CPNE2: variants seen among roughly 807,000 people sequenced by gnomAD.
CPNE2 encodes the protein copine-2.
CPNE2 carries 42 observed loss-of-function variants against 69.7 expected under a neutral mutation model. That is an observed-to-expected ratio of 0.60 (90% CI 0.47 to 0.78). The LOEUF (loss-of-function observed/expected upper bound fraction) is 0.78, where lower values mean the gene tolerates loss of function less well. Among genes scored for constraint, CPNE2 ranks in the 30% least tolerant of loss-of-function variants. The pLI, the probability that CPNE2 is intolerant of heterozygous loss-of-function variation, is 0.00. For synonymous variants in CPNE2, 294 were observed against 289.8 expected (o/e 1.01, Z -0.15); for missense variants, 587 against 732.0 (o/e 0.80, Z 2.29).
At chr16:57,137,430 A>G (rs1292208690) in intron 14 of CPNE2, 148 bp downstream of exon 14, 6 of 1,083,718 alleles carry the variant, frequency 5.5e-6, no homozygotes, top group Non-Finnish European at 6.5e-6. Flanking sequence ...AAGTTGAGTC[A>G]AGCTCAACTT....
rs567389821 is a variant in CPNE2, at chr16:57,114,641, G to A, written c.361-835G>A. On this transcript the variant is annotated intron_variant, in intron 3 of 15. Coordinates refer to ENST00000290776, the MANE Select transcript of CPNE2 (RefSeq NM_152727.6). ...ATGTGTGCTCCCCGCTGCACAGGAC[G>A]ACGCTCGCACTGCACCCAGGAAGCA... Among the ~76,000 whole-genome samples the A allele has an allele frequency of 3.9e-5, 6 of 152,254 alleles. No homozygotes were observed. In the South Asian group the frequency reaches 1.0e-3, roughly 26 times the overall value.
chr16:57,134,754 A>AGCGTTTTCTCT, intron 12 of CPNE2, 21 bp from the exon 13 acceptor site: 4 of 1,613,820 alleles, frequency 2.5e-6, no homozygotes, highest in Non-Finnish European at 3.4e-6. Flanking sequence ...GCTGCAGCTC[A>AGCGTTTTCTCT]GCGTTTTCTC....
rs367732722 is a variant in CPNE2 at position 57,119,305 on chromosome 16, C to A, written c.591+27C>A. 9 of 1,602,856 alleles carry A rather than the reference C, an allele frequency of 5.6e-6. No homozygotes were observed. In the African/African-American group the frequency reaches 1.1e-4, roughly 19 times the overall value. The stretch of plus-strand genomic sequence containing the variant: ...TGGGTACGTGGGGGCCCAGGGATCT[C>A]TAAGCAGTGGGCCTGCAGTCCAGCC... On this transcript the variant is annotated intron_variant, in intron 6 of 15. Transcript: ENST00000290776.
chr16:57,114,714 G>C (rs2069705250), intron 3 of CPNE2, among the ~76,000 whole-genome samples: 1 of 152,110 alleles, frequency 6.6e-6, no homozygotes, highest in South Asian at 2.1e-4. Context: ...AGGTGGGAGG[G>C]TGACTTTGCA....
intron 1 of CPNE2, among the ~76,000 whole-genome samples, chr16:57,101,159 T>G (rs2145234731): frequency 6.6e-6 from 1 of 152,348 alleles, no homozygotes; most frequent in African/African-American, 2.4e-5. Context: ...AAACCCTGCC[T>G]GGGTTTCCAG....
At chr16:57,126,997 C>T (rs1356623116) in intron 11 of CPNE2, among the ~76,000 whole-genome samples, 1 of 152,200 alleles carries the variant, frequency 6.6e-6, no homozygotes, top group Admixed American at 6.5e-5. Context: ...GTCCCCTCCA[C>T]GGCAGCCAAA....
intron 11 of CPNE2, 125 bp downstream of exon 11, chr16:57,126,118 T>A: frequency 8.1e-7 from 1 of 1,232,166 alleles, no homozygotes; most frequent in Non-Finnish European, 1.1e-6. Flanking sequence ...ATGGCATAGG[T>A]GCAGTTATTA....
At position 57,119,668 on chromosome 16, in the gene CPNE2, A is replaced by G; in HGVS notation, c.681+18A>G. 1 of 1,569,240 alleles carries G rather than the reference A, an allele frequency of 6.4e-7. No individual in the cohort carries two copies. The highest frequency in any genetic ancestry group is 8.7e-7 in the Non-Finnish European group (1 of 1,151,206). ...CCATCCAGGTGAGGGGGCTCTGGGG[A>G]CCCTGCTCCCCACCTTGCCAGCTCC... is the stretch of plus-strand genomic sequence containing the variant. On this transcript the variant is annotated intron_variant, in intron 7 of 15. Transcript: ENST00000290776.
intron 9 of CPNE2, among the ~76,000 whole-genome samples, chr16:57,122,021 G>C (rs1309649295): frequency 6.6e-6 from 1 of 152,262 alleles, no homozygotes; most frequent in Non-Finnish European, 1.5e-5. Flanking sequence ...GGCACGAGCT[G>C]ACCTTCCAGG....
intron 1 of CPNE2, among the ~76,000 whole-genome samples, chr16:57,100,313 A>G (rs764503634): frequency 6.6e-6 from 1 of 152,226 alleles, no homozygotes; most frequent in Non-Finnish European, 1.5e-5. Flanking sequence ...GGAGGCACGA[A>G]AAATACTTGC....
intron 11 of CPNE2, among the ~76,000 whole-genome samples, chr16:57,126,463 C>T (rs551606889): frequency 2.0e-5 from 3 of 151,214 alleles, no homozygotes; most frequent in African/African-American, 7.4e-5. Context: ...ATGCACGGAC[C>T]CTCCTCCCAT....
At position 57,093,800 on chromosome 16, in the gene CPNE2, C is replaced by T. The variant is rs561500324; in HGVS notation, c.-36+1010C>T. 119 of 323,100 alleles carry T rather than the reference C, an allele frequency of 3.7e-4. 2 individuals are homozygous for T. Among genetic ancestry groups the T allele is most frequent in the African/African-American group, 2.5e-3 (110 of 44,734 alleles). 20.0% of individuals were successfully genotyped at this position (323,100 alleles called of 1,614,324 possible). On this transcript the variant is annotated intron_variant, in intron 1 of 15. Transcript: ENST00000290776. ...CAAAGGTTGGGGGGCTTTTTCTGCC[C>T]CTTGGGCATCCACAGCTTCACGGAC...
chr16:57,113,075 T>C, intron 2 of CPNE2: 1 of 515,226 alleles, frequency 1.9e-6, no homozygotes, highest in Non-Finnish European at 3.5e-6. Flanking sequence ...TCGGCCCTGC[T>C]CCACAAGCTG....
intron 12 of CPNE2, among the ~76,000 whole-genome samples, chr16:57,133,404 C>T (rs1480945040): frequency 1.3e-5 from 2 of 152,188 alleles, no homozygotes; most frequent in African/African-American, 4.8e-5. Context: ...GCCCTCTCCC[C>T]CAGGAGTAAG....
In CPNE2 at chr16:57,147,564, C is replaced by T. The variant is rs541485948; in HGVS notation, c.1553C>T (p.Thr518Ile). ...FREFRNAAKE[T>I]LAKAVLAELP... ...TCCACCCTGCAGGCAGCAAAAGAGA[C>T]CTTGGCCAAAGCTGTGCTGGCGGAG... The change falls in exon 16 of 16, where the codon ACC becomes ATC. Residue 518 changes from threonine (T) to isoleucine (I), a missense_variant. Physicochemically the swap from Thr to Ile is moderately conservative, Grantham distance 89 (BLOSUM62 -1). Coordinates refer to ENST00000290776, the MANE Select transcript of CPNE2 (RefSeq NM_152727.6). 6.2e-7 allele frequency: 1 copy of T among 1,604,348 alleles called. No individual in the cohort carries two copies. Among genetic ancestry groups the T allele is most frequent in the South Asian group, 1.1e-5 (1 of 89,922 alleles).
Position 57,129,604 on chromosome 16 carries a change from G to A in CPNE2, c.1116+1701G>A, listed in dbSNP as rs138327011. ...ACGCTGAGGCAGATGGATCATTTGA[G>A]GTCAGAGAGTTTGAGATCTTCCTGG... On this transcript the variant is annotated intron_variant, in intron 12 of 15. Transcript: ENST00000290776. Among the ~76,000 whole-genome samples the A allele has an allele frequency of 2.8e-4, 42 of 152,308 alleles. 1 individual carries two copies. The highest frequency in any genetic ancestry group is 6.2e-4 in the South Asian group (3 of 4,824).
chr16:57,114,041 A>G (rs9923461), intron 3 of CPNE2, among the ~76,000 whole-genome samples: 50,001 of 151,922 alleles, frequency 0.33, 8,372 homozygotes, highest in Middle Eastern at 0.43. Flanking sequence ...CATGGTTGAT[A>G]AGGGAATGAA....
At chr16:57,112,032 T>A (rs2069684691) in intron 2 of CPNE2, among the ~76,000 whole-genome samples, 1 of 152,254 alleles carries the variant, frequency 6.6e-6, no homozygotes, top group Non-Finnish European at 1.5e-5. Context: ...TATGCATGTA[T>A]ATTTCCCAAA....
At chr16:57,140,029 G>T (rs1442412063) in intron 14 of CPNE2, among the ~76,000 whole-genome samples, 2 of 152,188 alleles carry the variant, frequency 1.3e-5, no homozygotes, top group Non-Finnish European at 2.9e-5. Context: ...AGAGGGAACA[G>T]GAAGCGCAGG....
Sources: gnomAD v4.1 joint callset for allele counts (sites outside exome capture counted in the v4.1 genomes callset) on GRCh38, gnomAD v4.1.1 for gene constraint, MANE v1.5 for transcripts, NCBI Gene and HGNC (gene_info 2026-07-23, HGNC 2026-07-21) for gene names.